The following GRIK1 variants were observed in gnomAD, a reference collection of about 807,000 sequenced individuals.
GRIK1 encodes glutamate ionotropic receptor kainate type subunit 1.
GRIK1 carries 69 observed loss-of-function variants against 105.7 expected under a neutral mutation model. That is an observed-to-expected ratio of 0.65 (90% CI 0.54 to 0.80). The LOEUF (loss-of-function observed/expected upper bound fraction) is 0.80, where lower values mean the gene tolerates loss of function less well. GRIK1 is among the 30% of genes least tolerant of loss of function. The pLI is 0.00. For synonymous variants in GRIK1, 438 were observed against 431.3 expected, an observed-to-expected ratio of 1.02 and a Z score of -0.19; for missense variants, 1,109 against 1,167.3, an observed-to-expected ratio of 0.95 and a Z score of 0.73.
At chr21:29,700,078 A>G (rs891653975) in intron 1 of GRIK1, among the ~76,000 whole-genome samples, 2 of 152,244 alleles carry the variant, frequency 1.3e-5, no homozygotes, top group African/African-American at 2.4e-5. Context: ...AGATAAGCCA[A>G]GAGGAATTCA....
chr21:29,617,715 A>T (rs1859662163), intron 7 of GRIK1, among the ~76,000 whole-genome samples: 1 of 152,190 alleles, frequency 6.6e-6, no homozygotes, highest in Admixed American at 6.5e-5. Context: ...TTAGTATTTT[A>T]AAAATGTCAC....
intron 16 of GRIK1, among the ~76,000 whole-genome samples, chr21:29,540,928 G>A (rs2089958065): frequency 6.6e-6 from 1 of 150,920 alleles, no homozygotes; most frequent in Admixed American, 6.6e-5. Context: ...GATTAAAAAT[G>A]TGATGGAGTT....
intron 15 of GRIK1, among the ~76,000 whole-genome samples, chr21:29,556,947 A>T (rs540946345): frequency 1.3e-5 from 2 of 152,338 alleles, no homozygotes; most frequent in African/African-American, 4.8e-5. Context: ...TAGGTTTTGA[A>T]TAATTCAAAT....
chr21:29,760,246 T>C (rs975196747), intron 1 of GRIK1: 9 of 152,404 alleles, frequency 5.9e-5, no homozygotes, highest in Non-Finnish European at 1.2e-4. Context: ...ACCTCCAACA[T>C]GCTCTTGTTT....
Position 29,537,058 on chromosome 21 carries a change from C to T in GRIK1, c.*172G>A, listed in dbSNP as rs2123630255. On this transcript the variant is annotated 3_prime_UTR_variant, in exon 18 of 18. Coordinates refer to ENST00000327783, the MANE Select transcript of GRIK1 (RefSeq NM_001330994.2). ...TATTTTAAAAGAACTGGTGTCACTT[C>T]CCAAGTCATATCTATGTGAGCTTTT... 5.0e-6 allele frequency: 2 copies of T among 401,346 alleles called. No individual in the cohort carries two copies. Among genetic ancestry groups the T allele is most frequent in the Non-Finnish European group, 8.9e-6 (2 of 225,582 alleles). 24.9% of individuals were successfully genotyped at this position (401,346 alleles called of 1,614,324 possible). A position where few individuals can be genotyped will look rare whatever the true frequency, so the allele number is the denominator to read the frequency against.
chr21:29,744,841 T>C (rs899823843), intron 1 of GRIK1, among the ~76,000 whole-genome samples: 2 of 152,220 alleles, frequency 1.3e-5, no homozygotes, highest in Non-Finnish European at 2.9e-5. Flanking sequence ...ACTATTTGAT[T>C]TCCACATCAA....
At chr21:29,592,340 G>A (rs971268486) in intron 9 of GRIK1, among the ~76,000 whole-genome samples, 1 of 152,094 alleles carries the variant, frequency 6.6e-6, no homozygotes, top group Non-Finnish European at 1.5e-5. Context: ...ACCAACCATG[G>A]CAACTGGCAT....
At chr21:29,828,487 T>G (rs2067537758) in intron 1 of GRIK1, among the ~76,000 whole-genome samples, 1 of 152,014 alleles carries the variant, frequency 6.6e-6, no homozygotes, top group East Asian at 1.9e-4. Context: ...ATATTATGTA[T>G]TTTCCTTAGT....
intron 6 of GRIK1, among the ~76,000 whole-genome samples, chr21:29,649,025 A>G (rs2062673623): frequency 6.6e-6 from 1 of 152,184 alleles, no homozygotes; most frequent in South Asian, 2.1e-4. Context: ...TGGGGTCATA[A>G]GTTTGCTCTC....
At chr21:29,767,864 ATGTGTGTGTGTGTGTGTGTG>A (rs60618188) in intron 1 of GRIK1, among the ~76,000 whole-genome samples, 24 of 147,342 alleles carry the variant, frequency 1.6e-4, no homozygotes, top group Non-Finnish European at 2.5e-4. Flanking sequence ...GCTGAAATTC[ATGTGTGTGTGTGTGTGTGTG>A]TGTGTGTGTG....
chr21:29,697,991 CTT>C (rs1390592755), intron 1 of GRIK1, among the ~76,000 whole-genome samples: 2 of 137,678 alleles, frequency 1.5e-5, no homozygotes, highest in Non-Finnish European at 1.6e-5. Flanking sequence ...CTCTTTCTTT[CTT>C]TCTCTTTCTT....
chr21:29,822,661 G>A (rs954808545), intron 1 of GRIK1, among the ~76,000 whole-genome samples: 7 of 151,868 alleles, frequency 4.6e-5, no homozygotes, highest in Non-Finnish European at 7.4e-5. Context: ...TTAATATATG[G>A]ATGGACTTTC....
intron 1 of GRIK1, among the ~76,000 whole-genome samples, chr21:29,846,261 G>A (rs1385880662): frequency 2.6e-5 from 4 of 151,586 alleles, no homozygotes; most frequent in Non-Finnish European, 2.9e-5. Flanking sequence ...CGTGGCGCAT[G>A]CCTGTAATCC....
intron 1 of GRIK1, among the ~76,000 whole-genome samples, chr21:29,900,459 C>CCAAAAAAAA (rs2070353906): frequency 1.3e-5 from 1 of 78,326 alleles, no homozygotes; most frequent in Non-Finnish European, 2.5e-5. Context: ...AAATGGAAAG[C>CCAAAAAAAA]AAGAAAAAAA....
chr21:29,794,949 A>T (rs1368564237), intron 1 of GRIK1, among the ~76,000 whole-genome samples: 1 of 150,362 alleles, frequency 6.7e-6, no homozygotes, highest in Non-Finnish European at 1.5e-5. Context: ...TAAATCAGAG[A>T]TGTCCTGGGC....
At chr21:29,902,760 C>T (rs1569204810) in intron 1 of GRIK1, among the ~76,000 whole-genome samples, 1 of 151,138 alleles carries the variant, frequency 6.6e-6, no homozygotes, top group South Asian at 2.1e-4. Flanking sequence ...ATCAAGCTAC[C>T]ACTGGAAATG....
chr21:29,665,174 C>G (rs1461344545), intron 4 of GRIK1, among the ~76,000 whole-genome samples: 1 of 152,158 alleles, frequency 6.6e-6, no homozygotes, highest in Non-Finnish European at 1.5e-5. Flanking sequence ...TTTTGGAGGC[C>G]TTTGAGAATC....
intron 1 of GRIK1, among the ~76,000 whole-genome samples, chr21:29,748,537 C>T (rs770032637): frequency 6.6e-6 from 1 of 152,210 alleles, no homozygotes; most frequent in Non-Finnish European, 1.5e-5. Context: ...ACAATTTGGG[C>T]AACTTTGTGC....
chr21:29,569,318 G>A (rs914745939), intron 14 of GRIK1, among the ~76,000 whole-genome samples: 5 of 152,134 alleles, frequency 3.3e-5, no homozygotes, highest in East Asian at 1.9e-4. Flanking sequence ...AGTGTACTAA[G>A]TGGTAGTATA....
Sources: gnomAD v4.1 joint callset for allele counts (sites outside exome capture counted in the v4.1 genomes callset) on GRCh38, gnomAD v4.1.1 for gene constraint, MANE v1.5 for transcripts, NCBI Gene and HGNC (gene_info 2026-07-23, HGNC 2026-07-21) for gene names.